Variants in PTGER3 observed in about 807,000 individuals in gnomAD.
PTGER3 encodes the protein prostaglandin E receptor 3.
In PTGER3, 22 loss-of-function variants were observed where a neutral mutation model predicts 34.7. The ratio of observed to expected loss-of-function variants is 0.63; its 90% confidence interval spans 0.45 to 0.91. The LOEUF (loss-of-function observed/expected upper bound fraction) is 0.91. PTGER3 is among the 40% of genes least tolerant of loss of function. The pLI, the probability that PTGER3 is intolerant of heterozygous loss-of-function variation, is 0.00. For synonymous variants in PTGER3, 241 were observed against 230.1 expected, an observed-to-expected ratio of 1.05 and a Z score of -0.43; for missense variants, 468 against 519.4, an observed-to-expected ratio of 0.90 and a Z score of 0.96.
chr1:70,953,626 A>G, intron 3 of PTGER3: 2 of 1,252,250 alleles, frequency 1.6e-6, no homozygotes, highest in Non-Finnish European at 1.1e-6. Context: ...TGACTGGGAT[A>G]GGTTCCTTCA....
At chr1:70,878,011 A>G (rs570297121) in intron 4 of PTGER3, among the ~76,000 whole-genome samples, 1 of 152,088 alleles carries the variant, frequency 6.6e-6, no homozygotes, top group Non-Finnish European at 1.5e-5. Flanking sequence ...GGAATAGTTC[A>G]ATAGAATTGG....
exon 5 of PTGER3, chr1:70,852,795 GT>G: frequency 1.2e-6 from 2 of 1,607,544 alleles, no homozygotes; most frequent in African/African-American, 2.7e-5. Flanking sequence ...CAAAAAGAGA[GT>G]CATGGAGCTT....
At chr1:70,955,984 C>A (rs929137029) in intron 2 of PTGER3, among the ~76,000 whole-genome samples, 1 of 152,138 alleles carries the variant, frequency 6.6e-6, no homozygotes, top group Non-Finnish European at 1.5e-5. Context: ...TCTATGGCAT[C>A]TCAAGTAGCT....
chr1:70,974,961 T>C (rs1377788659), intron 2 of PTGER3, among the ~76,000 whole-genome samples: 1 of 152,330 alleles, frequency 6.6e-6, no homozygotes, highest in East Asian at 1.9e-4. Flanking sequence ...CATTTCTTCA[T>C]CACCTGGCTA....
chr1:71,047,565 G>C lies in PTGER3; in HGVS notation c.13C>G (p.Arg5Gly). 6.4e-7 allele frequency: 1 copy of C among 1,550,886 alleles called. No homozygotes were observed. The highest frequency in any genetic ancestry group is 8.7e-7 in the Non-Finnish European group (1 of 1,144,070). The change falls in exon 1 of 4, where the codon CGG (arginine) becomes GGG (glycine). Residue 5 changes from arginine to glycine, a missense_variant. Physicochemically the swap from Arg to Gly is moderately radical, Grantham distance 125. Around this residue, in one of 5 missense-constraint regions of PTGER3, gnomAD observed 151 missense variants for 133.5 expected, o/e 1.13. Transcript: ENST00000306666. MKET[R>G]GYGGDAPFCT... Reference sequence around the variant, plus strand: ...AAGGGGGCATCCCCTCCGTAGCCCCGGGTCTCCTTCATGTTGGCTTCGAGG... The same window carrying C: ...AAGGGGGCATCCCCTCCGTAGCCCCCGGTCTCCTTCATGTTGGCTTCGAGG...
intron 4 of PTGER3, among the ~76,000 whole-genome samples, chr1:70,869,824 G>A (rs10443262): frequency 0.48 from 73,660 of 151,992 alleles, 19,710 homozygotes; most frequent in Non-Finnish European, 0.6. Context: ...CGCAGGGTTC[G>A]GTCCCTGTGG....
chr1:70,988,458 C>T (rs112063132), intron 2 of PTGER3, among the ~76,000 whole-genome samples: 23 of 152,114 alleles, frequency 1.5e-4, no homozygotes, highest in African/African-American at 4.8e-4. Flanking sequence ...AAATTCCAGC[C>T]GATTATTTGT....
At chr1:70,990,426 A>G (rs543716459) in intron 2 of PTGER3, among the ~76,000 whole-genome samples, 1 of 138,454 alleles carries the variant, frequency 7.2e-6, no homozygotes, top group Non-Finnish European at 1.5e-5. Flanking sequence ...TCTATTATAC[A>G]TATGTATCAA....
At chr1:70,967,611 A>T (rs1652663291), downstream of PTGER3, among the ~76,000 whole-genome samples, 1 of 152,132 alleles carries the variant, frequency 6.6e-6, no homozygotes. Context: ...GCAATTAAAC[A>T]CTTCTGTAGT....
chr1:70,994,522 A>T (rs1655757092), intron 2 of PTGER3, among the ~76,000 whole-genome samples: 1 of 151,658 alleles, frequency 6.6e-6, no homozygotes, highest in South Asian at 2.1e-4. Flanking sequence ...CAGTAGTGCG[A>T]TCTTGGCCCG....
At chr1:71,024,175 T>C (rs1245249582) in intron 1 of PTGER3, among the ~76,000 whole-genome samples, 1 of 152,158 alleles carries the variant, frequency 6.6e-6, no homozygotes, top group Non-Finnish European at 1.5e-5. Flanking sequence ...TTGAACTTCT[T>C]GCAGGTCTTT....
At chr1:70,970,003 G>A (rs1652918007), downstream of PTGER3, among the ~76,000 whole-genome samples, 1 of 149,734 alleles carries the variant, frequency 6.7e-6, no homozygotes, top group Non-Finnish European at 1.5e-5. Context: ...CTTGTGAGTG[G>A]CACAGCCAGA....
At chr1:70,981,307 CCTTCCTTCCTTTCTTCTTTCTTT>C (rs1297403990) in intron 2 of PTGER3, among the ~76,000 whole-genome samples, 14 of 140,102 alleles carry the variant, frequency 1.0e-4, no homozygotes, top group African/African-American at 2.9e-4. Flanking sequence ...TTCCTTCCTT[CCTTCCTTCCTTTCTTCTTTCTTT>C]CTTTCTTTCT....
At chr1:71,008,879 G>A (rs1400157369) in intron 2 of PTGER3, 1 of 964,448 alleles carries the variant, frequency 1.0e-6, no homozygotes, top group African/African-American at 1.8e-5. Context: ...TAAATACTCT[G>A]TAGTCTCCCT....
intron 4 of PTGER3, among the ~76,000 whole-genome samples, chr1:70,935,666 A>ATATATATATATATATATAT (rs1649145464): frequency 2.4e-5 from 1 of 41,450 alleles, no homozygotes; most frequent in African/African-American, 1.9e-4. Flanking sequence ...TAAGGATACA[A>ATATATATATATATATATAT]ATATAAATAT....
chr1:70,901,654 T>C (rs999341951), intron 4 of PTGER3, among the ~76,000 whole-genome samples: 3 of 152,188 alleles, frequency 2.0e-5, no homozygotes, highest in Admixed American at 2.0e-4. Context: ...TATGTGAGTA[T>C]AACTATTTAA....
intron 2 of PTGER3, chr1:71,006,344 A>G (rs1287908859): frequency 3.0e-6 from 3 of 985,266 alleles, no homozygotes; most frequent in Non-Finnish European, 3.6e-6. Flanking sequence ...TTCTCCCTTC[A>G]TTGAAGAAGG....
intron 4 of PTGER3, among the ~76,000 whole-genome samples, chr1:70,890,744 T>G (rs1262999649): frequency 1.3e-5 from 2 of 152,188 alleles, no homozygotes; most frequent in African/African-American, 4.8e-5. Flanking sequence ...GAAATTGGTT[T>G]TTATCATGTT....
At chr1:70,912,728 A>G (rs971262526) in intron 4 of PTGER3, among the ~76,000 whole-genome samples, 1 of 152,046 alleles carries the variant, frequency 6.6e-6, no homozygotes, top group African/African-American at 2.4e-5. Flanking sequence ...TTATAGATTT[A>G]TGTTCCAGCA....
Sources: allele counts gnomAD v4.1 joint callset (sites outside exome capture counted in the v4.1 genomes callset), GRCh38; gene constraint gnomAD v4.1.1; regional missense constraint gnomAD v4.1.1; transcripts MANE v1.5; gene names NCBI Gene and HGNC (gene_info 2026-07-23, HGNC 2026-07-21).